The following SGPP2 variants were observed in gnomAD, a reference collection of about 807,000 sequenced individuals.
SGPP2 encodes sphingosine-1-phosphate phosphatase 2, also known as sphingosine 1-phosphate phosphohydrolase 2.
In SGPP2, 30 loss-of-function variants were observed where a neutral mutation model predicts 33.9. The observed-to-expected ratio is 0.89, with a 90% CI of 0.66 to 1.20. The LOEUF (loss-of-function observed/expected upper bound fraction) is 1.20, where lower values mean the gene tolerates loss of function less well. Ranked by LOEUF, SGPP2 falls within the 50% of genes most tolerant of loss-of-function variation. The probability of loss-of-function intolerance (pLI) is 0.00; values close to 1 mark genes in which losing one functional copy is unlikely to be tolerated. For missense variants in SGPP2, 458 were observed against 532.1 expected (o/e 0.86, Z 1.37); for synonymous variants, 233 against 225.0 (o/e 1.04, Z -0.32).
intron 1 of SGPP2, among the ~76,000 whole-genome samples, chr2:222,470,374 C>T (rs73991403): frequency 0.013 from 2,019 of 152,244 alleles, 43 homozygotes; most frequent in African/African-American, 0.046. Flanking sequence ...GGCTCTCAAG[C>T]GATTTAATCA....
At position 222,545,578 on chromosome 2, in the gene SGPP2, G is replaced by A. The variant is rs576056478; in HGVS notation, c.649-12769G>A. 7.2e-5 allele frequency among the ~76,000 whole-genome samples: 11 copies of A among 152,182 alleles called. No individual in the cohort carries two copies. In the East Asian group the frequency reaches 2.1e-3, roughly 29 times the overall value. ...ATTACAGGCGTGAGCCACCACACCT[G>A]GCCTTCAAAGAGCTTATGTCTTTTG... is the stretch of plus-strand genomic sequence containing the variant. On this transcript the variant is annotated intron_variant, in intron 4 of 4. Coordinates refer to ENST00000321276, the MANE Select transcript of SGPP2 (RefSeq NM_152386.4).
chr2:222,506,937 T>A (rs1319488801), intron 2 of SGPP2, among the ~76,000 whole-genome samples: 1 of 152,018 alleles, frequency 6.6e-6, no homozygotes, highest in Non-Finnish European at 1.5e-5. Context: ...TGTGGCAGAA[T>A]CTGGAAGGTG....
intron 2 of SGPP2, among the ~76,000 whole-genome samples, chr2:222,485,076 G>A (rs1480509358): frequency 6.6e-6 from 1 of 152,178 alleles, no homozygotes; most frequent in African/African-American, 2.4e-5. Context: ...GAAGTGGCTT[G>A]CTCAAAGGGA....
In SGPP2 at chr2:222,424,776, C is replaced by A; in HGVS notation, c.174C>A (p.Gly58=). The A allele has an allele frequency of 7.1e-7, 1 of 1,398,642 alleles. No homozygotes were observed. The highest frequency in any genetic ancestry group is 9.3e-7 in the Non-Finnish European group (1 of 1,077,740). The allele number at this position is 1,398,642 out of a possible 1,614,324, so 86.6% of individuals were successfully genotyped here. A position where few individuals can be genotyped will look rare whatever the true frequency, so the allele number is the denominator to read the frequency against. The change falls in exon 1 of 5, where the codon GGC becomes GGA. Residue 58 remains glycine (G), a synonymous_variant. Transcript: ENST00000321276. The part of the protein sequence containing the change: ...VEHLPAANGK[G]GEAPANGLRR... ...ATCTCCCCGCAGCCAACGGCAAGGG[C>A]GGCGAGGCTCCGGCCAACGGGCTGC...
At chr2:222,486,751 G>A (rs956266724) in intron 2 of SGPP2, among the ~76,000 whole-genome samples, 12 of 152,094 alleles carry the variant, frequency 7.9e-5, no homozygotes, top group Middle Eastern at 3.4e-3. Flanking sequence ...GCCTAGATTC[G>A]AACCAGTAAC....
At chr2:222,525,126 T>G (rs891275543) in intron 4 of SGPP2, 93 bp downstream of exon 4, 1 of 819,690 alleles carries the variant, frequency 1.2e-6, no homozygotes, top group Non-Finnish European at 1.9e-6. Context: ...TTTATAAAAT[T>G]ATTTGCATAT....
At position 222,560,799 on chromosome 2, in the gene SGPP2, A is replaced by C. The variant is rs1689522809; in HGVS notation, c.*1901A>C. Reference sequence around the variant, plus strand: ...TGGGATGATATTTAGTATGTAACTTAGCATTCCAATTTCTCAAGAATTTTT... The same window carrying C: ...TGGGATGATATTTAGTATGTAACTTCGCATTCCAATTTCTCAAGAATTTTT... On this transcript the variant is annotated 3_prime_UTR_variant, in exon 5 of 5. Coordinates refer to ENST00000321276, the MANE Select transcript of SGPP2 (RefSeq NM_152386.4). 6.6e-6 allele frequency: 1 copy of C among 152,218 alleles called. No individual in the cohort carries two copies. Among genetic ancestry groups the C allele is most frequent in the Admixed American group, 6.5e-5 (1 of 15,282 alleles). 9.4% of individuals were successfully genotyped at this position (152,218 alleles called of 1,614,324 possible).
intron 1 of SGPP2, among the ~76,000 whole-genome samples, chr2:222,436,421 C>G (rs142741708): frequency 1.7e-3 from 257 of 152,252 alleles, no homozygotes; most frequent in African/African-American, 5.9e-3. Context: ...GACACTGATT[C>G]AGAGCATACA....
rs1364959055 is a variant in SGPP2, at chr2:222,550,653, A to G, written c.649-7694A>G. Reference sequence around the variant, plus strand: ...TTCACATGGAAAATGTTCCTGCTATATTATTAAATAAGGCAGCGTGGTTTT... The same window carrying G: ...TTCACATGGAAAATGTTCCTGCTATGTTATTAAATAAGGCAGCGTGGTTTT... On this transcript the variant is annotated intron_variant, in intron 4 of 4. Transcript: ENST00000321276. The surrounding 1 kb of genome is among the most constrained non-coding windows in gnomAD (Gnocchi z 4.5). Among the ~76,000 whole-genome samples the G allele has an allele frequency of 6.6e-6, 1 of 152,222 alleles. No individual in the cohort carries two copies. Among genetic ancestry groups the G allele is most frequent in the African/African-American group, 2.4e-5 (1 of 41,464 alleles).
intron 1 of SGPP2, among the ~76,000 whole-genome samples, chr2:222,467,979 A>C (rs1055341732): frequency 7.1e-6 from 1 of 140,846 alleles, no homozygotes; most frequent in East Asian, 2.0e-4. Flanking sequence ...AAAAAAAAAA[A>C]AAAAAAAAAC....
intron 2 of SGPP2, among the ~76,000 whole-genome samples, chr2:222,507,590 T>C (rs1470991668): frequency 6.6e-6 from 1 of 152,220 alleles, no homozygotes; most frequent in Non-Finnish European, 1.5e-5. Context: ...AAGGGTTTTC[T>C]TAGCAATGCT....
chr2:222,474,003 G>T (rs1697891015), intron 1 of SGPP2, among the ~76,000 whole-genome samples: 1 of 151,942 alleles, frequency 6.6e-6, no homozygotes, highest in African/African-American at 2.4e-5. Flanking sequence ...AATGTTTGAG[G>T]TGACAGACAT....
At chr2:222,529,526 G>A (rs544652699) in intron 4 of SGPP2, among the ~76,000 whole-genome samples, 1 of 152,042 alleles carries the variant, frequency 6.6e-6, no homozygotes, top group Non-Finnish European at 1.5e-5. Context: ...GTAGAGGCGG[G>A]GTTTCACCAT....
intron 4 of SGPP2, among the ~76,000 whole-genome samples, chr2:222,531,935 G>A (rs538429522): frequency 6.6e-6 from 1 of 152,218 alleles, no homozygotes; most frequent in South Asian, 2.1e-4. Flanking sequence ...TGATGCTCAG[G>A]GCGTGTGAGT....
intron 4 of SGPP2, among the ~76,000 whole-genome samples, chr2:222,534,535 G>T (rs1483916145): frequency 6.6e-6 from 1 of 152,028 alleles, no homozygotes; most frequent in African/African-American, 2.4e-5. Flanking sequence ...TAAATTATCT[G>T]CAGACCATAC....
At chr2:222,478,523 C>T (rs1251059560) in intron 2 of SGPP2, among the ~76,000 whole-genome samples, 1 of 152,070 alleles carries the variant, frequency 6.6e-6, no homozygotes, top group African/African-American at 2.4e-5. Flanking sequence ...AAAACGATAT[C>T]CCTAAATTAG....
Position 222,460,028 on chromosome 2 carries a change from C to T in SGPP2, c.220-14540C>T, listed in dbSNP as rs1697635001. ...TTCCTTGGGCATAGGAACCACAGTC[C>T]CTGTTTTCAGAGCAGGAATCTGAAG... On this transcript the variant is annotated intron_variant, in intron 1 of 4. Transcript: ENST00000321276. The surrounding 1 kb of genome is among the most constrained non-coding windows in gnomAD (Gnocchi z 4.3). Among the ~76,000 whole-genome samples the T allele has an allele frequency of 6.6e-6, 1 of 152,142 alleles. No homozygotes were observed. The highest frequency in any genetic ancestry group is 1.5e-5 in the Non-Finnish European group (1 of 68,032).
rs1052397290 is a variant in SGPP2, at chr2:222,554,889, T to A, written c.649-3458T>A. 2.6e-5 allele frequency among the ~76,000 whole-genome samples: 4 copies of A among 152,168 alleles called. No individual in the cohort carries two copies. In the East Asian group the frequency reaches 7.7e-4, roughly 29 times the overall value. On this transcript the variant is annotated intron_variant, in intron 4 of 4. Coordinates refer to ENST00000321276, the MANE Select transcript of SGPP2 (RefSeq NM_152386.4). Reference sequence around the variant, plus strand: ...TTTAAAAATTAGCAGTAAAATTGACTTTGTTTGGCATAAAGTTCCATGAAT... The same window carrying A: ...TTTAAAAATTAGCAGTAAAATTGACATTGTTTGGCATAAAGTTCCATGAAT...
intron 1 of SGPP2, among the ~76,000 whole-genome samples, chr2:222,462,952 T>C (rs1697686683): frequency 6.6e-6 from 1 of 152,200 alleles, no homozygotes; most frequent in Non-Finnish European, 1.5e-5. Flanking sequence ...TGTTCTTTCA[T>C]GTGTATGCAC....
Sources: allele counts gnomAD v4.1 joint callset (sites outside exome capture counted in the v4.1 genomes callset), GRCh38; gene constraint gnomAD v4.1.1; non-coding constraint Gnocchi (gnomAD v3.1); transcripts MANE v1.5; gene names NCBI Gene and HGNC (gene_info 2026-07-23, HGNC 2026-07-21).